The following WDFY4 variants were observed in gnomAD, a reference collection of about 807,000 sequenced individuals.
The protein encoded by WDFY4 is WD repeat- and FYVE domain-containing protein 4.
A neutral mutation model predicts 351.9 loss-of-function variants in WDFY4; 169 were observed. That is an observed-to-expected ratio of 0.48 (90% CI 0.42 to 0.55). The LOEUF (loss-of-function observed/expected upper bound fraction) is 0.55, where lower values mean the gene tolerates loss of function less well. Among genes scored for constraint, WDFY4 ranks in the 20% least tolerant of loss-of-function variants. The probability of loss-of-function intolerance (pLI) is 0.00; values close to 1 mark genes in which losing one functional copy is unlikely to be tolerated. For missense variants in WDFY4, 3,803 were observed against 3,935.6 expected, an observed-to-expected ratio of 0.97 and a Z score of 0.90; for synonymous variants, 1,622 against 1,574.6, an observed-to-expected ratio of 1.03 and a Z score of -0.71.
intron 51 of WDFY4, among the ~76,000 whole-genome samples, chr10:48,955,988 A>C (rs534274821): frequency 1.1e-4 from 17 of 152,204 alleles, no homozygotes; most frequent in Non-Finnish European, 2.2e-4. Context: ...GCAGAAGGCT[A>C]TCCCAAAACT....
chr10:48,723,604 A>G (rs913999451), intron 5 of WDFY4, 37 bp downstream of exon 5: 2 of 1,550,394 alleles, frequency 1.3e-6, no homozygotes, highest in African/African-American at 2.7e-5. Flanking sequence ...CCTGGGTCAA[A>G]ACCTCACTTC....
At chr10:48,973,591 C>T (rs566035211) in intron 57 of WDFY4, among the ~76,000 whole-genome samples, 11 of 152,354 alleles carry the variant, frequency 7.2e-5, no homozygotes, top group South Asian at 4.1e-4. Context: ...ATGCCACCTC[C>T]GTGCCCCTCC....
At position 48,822,510 on chromosome 10, in the gene WDFY4, C is replaced by A. The variant is rs1308682006; in HGVS notation, c.5955C>A (p.Leu1985=). Residue 1985 remains leucine, a synonymous_variant, in exon 35 of 62, where the codon CTC becomes CTA. Coordinates refer to ENST00000325239, the MANE Select transcript of WDFY4 (RefSeq NM_001394531.1). The part of the protein sequence containing the change: ...GMFSADPRHI[L]LFILEHIMVV... ...TCTCGGCAGACCCCAGGCATATCCTCCTCTTCATCCTGGAGCACATCATGG... is the reference window on the plus strand; with the variant it reads ...TCTCGGCAGACCCCAGGCATATCCTACTCTTCATCCTGGAGCACATCATGG... 8 of 1,547,462 alleles carry A rather than the reference C, an allele frequency of 5.2e-6. No individual in the cohort carries two copies. Among genetic ancestry groups the A allele is most frequent in the Non-Finnish European group, 7.0e-6 (8 of 1,144,538 alleles).
At chr10:48,876,335 A>G (rs550481303) in intron 42 of WDFY4, among the ~76,000 whole-genome samples, 45 of 152,356 alleles carry the variant, frequency 3.0e-4, no homozygotes, top group African/African-American at 1.0e-3. Flanking sequence ...CCAGACCCTT[A>G]TCCCAGAGAG....
At chr10:48,961,812 G>A (rs1841872035) in intron 53 of WDFY4, among the ~76,000 whole-genome samples, 1 of 152,200 alleles carries the variant, frequency 6.6e-6, no homozygotes, top group African/African-American at 2.4e-5. Flanking sequence ...ATGCAGCACA[G>A]AGAAGCAGAT....
intron 35 of WDFY4, chr10:48,823,812 C>G: frequency 1.0e-6 from 1 of 988,576 alleles, no homozygotes; most frequent in Non-Finnish European, 1.2e-6. Flanking sequence ...TCCTCTCTTG[C>G]TTGCTGTCTG....
chr10:48,806,178 G>C (rs981870668), intron 27 of WDFY4, 83 bp downstream of exon 27: 1 of 1,405,316 alleles, frequency 7.1e-7, no homozygotes, highest in Admixed American at 2.0e-5. Context: ...AGAGGGAGGG[G>C]CTAAGTAAGG....
At chr10:48,925,328 G>A (rs1482910992) in intron 47 of WDFY4, among the ~76,000 whole-genome samples, 7 of 152,136 alleles carry the variant, frequency 4.6e-5, no homozygotes, top group Non-Finnish European at 7.4e-5. Flanking sequence ...GAAGTCCATG[G>A]GAGGTGGAGA....
At chr10:48,735,619 C>A (rs930945978) in intron 10 of WDFY4, among the ~76,000 whole-genome samples, 1 of 151,114 alleles carries the variant, frequency 6.6e-6, no homozygotes, top group African/African-American at 2.4e-5. Context: ...AGATGTTAGT[C>A]ATTTTTTTTT....
chr10:48,907,596 G>A (rs748830915), intron 47 of WDFY4, among the ~76,000 whole-genome samples: 1 of 152,130 alleles, frequency 6.6e-6, no homozygotes, highest in African/African-American at 2.4e-5. Flanking sequence ...GAACCTATGC[G>A]ATTCCCATGA....
At chr10:48,776,634 G>T in intron 15 of WDFY4, 116 bp from the exon 16 acceptor site, 1 of 1,046,044 alleles carries the variant, frequency 9.6e-7, no homozygotes, top group Non-Finnish European at 1.3e-6. Flanking sequence ...GGAAGTACCT[G>T]GTGACTGTGC....
In WDFY4 at chr10:48,803,214, C is replaced by T. The variant is rs898005307; in HGVS notation, c.4411-72C>T. Reference sequence around the variant, plus strand: ...AGAGGATCACCTGTCCAGCACTGACCTTCTCATGCTTCCTGCAAATCATTC... The same window carrying T: ...AGAGGATCACCTGTCCAGCACTGACTTTCTCATGCTTCCTGCAAATCATTC... On this transcript the variant is annotated intron_variant, in intron 24 of 61. Coordinates refer to ENST00000325239, the MANE Select transcript of WDFY4 (RefSeq NM_001394531.1). 48 of 1,464,390 alleles carry T rather than the reference C, an allele frequency of 3.3e-5. 1 individual carries two copies. The East Asian group carries it at 1.1e-3, about 32-fold the overall frequency. The allele number at this position is 1,464,390 out of a possible 1,614,324, so 90.7% of individuals were successfully genotyped here. A position where few individuals can be genotyped will look rare whatever the true frequency, so the allele number is the denominator to read the frequency against.
chr10:48,810,383 A>C, intron 28 of WDFY4, 147 bp from the exon 29 acceptor site: 1 of 711,736 alleles, frequency 1.4e-6, no homozygotes, highest in Non-Finnish European at 2.2e-6. Context: ...TTATTTTACT[A>C]TTCTTTTTAA....
chr10:48,907,763 A>G (rs1483430500), intron 47 of WDFY4, among the ~76,000 whole-genome samples: 1 of 152,162 alleles, frequency 6.6e-6, no homozygotes, highest in African/African-American at 2.4e-5. Context: ...AGGTACACAA[A>G]TGCTTAACTA....
intron 25 of WDFY4, among the ~76,000 whole-genome samples, chr10:48,803,711 C>G (rs1230440709): frequency 2.0e-5 from 3 of 152,106 alleles, no homozygotes; most frequent in Non-Finnish European, 4.4e-5. Context: ...AAATACAACT[C>G]AAACCAGCTT....
At position 48,796,463 on chromosome 10, in the gene WDFY4, T is replaced by C; in HGVS notation, c.4410+13T>C. On this transcript the variant is annotated intron_variant, in intron 24 of 61. Coordinates refer to ENST00000325239, the MANE Select transcript of WDFY4 (RefSeq NM_001394531.1). ...CTGCAATTTCGAGGTAAATCAGAGA[T>C]TGGCCCTTAGTCCTTCAGGAGTGTG... 6.5e-7 allele frequency: 1 copy of C among 1,548,814 alleles called. No homozygotes were observed. Among genetic ancestry groups the C allele is most frequent in the African/African-American group, 1.4e-5 (1 of 73,156 alleles).
intron 44 of WDFY4, among the ~76,000 whole-genome samples, chr10:48,895,745 C>T (rs145361334): frequency 6.6e-6 from 1 of 152,324 alleles, no homozygotes; most frequent in African/African-American, 2.4e-5. Flanking sequence ...TTATTATCCT[C>T]CCTTTCCCCT....
chr10:48,790,120 G>A, intron 22 of WDFY4, 135 bp downstream of exon 22: 2 of 802,082 alleles, frequency 2.5e-6, no homozygotes, highest in Non-Finnish European at 4.1e-6. Context: ...GACCAGAGTT[G>A]GGAGTGAATC....
chr10:48,717,617 G>A (rs1463193586), intron 2 of WDFY4, among the ~76,000 whole-genome samples: 2 of 152,148 alleles, frequency 1.3e-5, no homozygotes, highest in Non-Finnish European at 2.9e-5. Context: ...AAGGCCATCA[G>A]TAACATGCAA....
Sources: allele counts gnomAD v4.1 joint callset (sites outside exome capture counted in the v4.1 genomes callset), GRCh38; gene constraint gnomAD v4.1.1; transcripts MANE v1.5; gene names NCBI Gene and HGNC (gene_info 2026-07-23, HGNC 2026-07-21).